ANO1: variants seen among roughly 807,000 people sequenced by gnomAD.
ANO1 encodes the protein anoctamin 1.
In ANO1, 59 loss-of-function variants were observed where a neutral mutation model predicts 124.0. The observed-to-expected ratio is 0.48, with a 90% CI of 0.39 to 0.59. The LOEUF (loss-of-function observed/expected upper bound fraction) is 0.59, where lower values mean the gene tolerates loss of function less well. Ranked by LOEUF, ANO1 falls within the 20% of genes least tolerant of loss-of-function variation. The probability of loss-of-function intolerance (pLI) is 0.00; values close to 1 mark genes in which losing one functional copy is unlikely to be tolerated. For synonymous variants in ANO1, 529 were observed against 532.0 expected (o/e 0.99, Z 0.08); for missense variants, 1,059 against 1,328.0 (o/e 0.80, Z 3.15).
intron 22 of ANO1, among the ~76,000 whole-genome samples, chr11:70,171,939 G>A (rs2048487732): frequency 6.6e-6 from 1 of 152,066 alleles, no homozygotes; most frequent in Admixed American, 6.6e-5. Flanking sequence ...GGGCAACAGA[G>A]TGAGACCCTG....
intron 1 of ANO1, among the ~76,000 whole-genome samples, chr11:70,030,953 T>A (rs1555003755): frequency 6.6e-6 from 1 of 152,184 alleles, no homozygotes; most frequent in Non-Finnish European, 1.5e-5. Flanking sequence ...TTTTGTTTTG[T>A]TTCTGGCTTG....
Position 70,102,131 on chromosome 11 carries a change from A to G in ANO1, c.442-935A>G, listed in dbSNP as rs184404116. ...CCAGAGGGGAGAGGGAAAGCTAGAG[A>G]CGCTGGGGCCATCTTTGCATCTGAT... On this transcript the variant is annotated intron_variant, in intron 2 of 25. Coordinates refer to ENST00000355303, the MANE Select transcript of ANO1 (RefSeq NM_018043.7). Among the ~76,000 whole-genome samples, 62 of 152,310 alleles carry G rather than the reference A, an allele frequency of 4.1e-4. No individual in the cohort carries two copies. In the East Asian group the frequency reaches 9.8e-3, roughly 24 times the overall value.
chr11:70,068,637 T>C (rs1857792516), intron 1 of ANO1, among the ~76,000 whole-genome samples: 1 of 151,834 alleles, frequency 6.6e-6, no homozygotes, highest in South Asian at 2.1e-4. Context: ...AAACATGAAG[T>C]CCAGCCCAAG....
chr11:70,152,771 T>C (rs1565254399), intron 13 of ANO1, among the ~76,000 whole-genome samples: 1 of 152,186 alleles, frequency 6.6e-6, no homozygotes, highest in Non-Finnish European at 1.5e-5. Flanking sequence ...CATGGCTGGG[T>C]GTTCACTGCA....
intron 1 of ANO1, among the ~76,000 whole-genome samples, chr11:70,058,276 G>T (rs905659105): frequency 6.6e-6 from 1 of 152,172 alleles, no homozygotes; most frequent in Non-Finnish European, 1.5e-5. Flanking sequence ...TACTTGGATG[G>T]CAAGTTTTTG....
chr11:70,188,076 T>C lies in ANO1; in HGVS notation c.*72T>C, dbSNP rs931096907. 1.9e-5 allele frequency: 29 copies of C among 1,491,742 alleles called. No individual in the cohort carries two copies. The African/African-American group carries it at 3.5e-4, about 18-fold the overall frequency. The allele number at this position is 1,491,742 out of a possible 1,614,324, so 92.4% of individuals were successfully genotyped here. A position where few individuals can be genotyped will look rare whatever the true frequency, so the allele number is the denominator to read the frequency against. ...GGCACCCTCTCCCAGGGCAGGCGGCTTCCCGCTCCCACCAGGGCCCGGTGG... is the reference window on the plus strand; with the variant it reads ...GGCACCCTCTCCCAGGGCAGGCGGCCTCCCGCTCCCACCAGGGCCCGGTGG... On this transcript the variant is annotated 3_prime_UTR_variant, in exon 26 of 26. Transcript: ENST00000355303.
chr11:70,126,293 C>G lies in ANO1; in HGVS notation c.1097+98C>G, dbSNP rs958120111. ...TCATTGGGACACTGGCCTCTCACAC[C>G]AATTCCTGTACACATGAAACCTCAC... On this transcript the variant is annotated intron_variant, in intron 10 of 25. Coordinates refer to ENST00000355303, the MANE Select transcript of ANO1 (RefSeq NM_018043.7). The G allele has an allele frequency of 2.8e-4, 405 of 1,423,634 alleles. 3 individuals are homozygous for G. Among genetic ancestry groups the G allele is most frequent in the Non-Finnish European group, 3.1e-4 (330 of 1,063,422 alleles). The allele number at this position is 1,423,634 out of a possible 1,614,324, so 88.2% of individuals were successfully genotyped here.
Position 70,105,798 on chromosome 11 carries a change from G to C in ANO1, c.747+10G>C. 8 of 1,612,438 alleles carry C rather than the reference G, an allele frequency of 5.0e-6. No individual in the cohort carries two copies. Among genetic ancestry groups the C allele is most frequent in the Non-Finnish European group, 6.8e-6 (8 of 1,178,968 alleles). ...AACCCGGAGCACGATTGTAAGTATC[G>C]CACGCGCCTGGAAACGGCTCACTGG... is the stretch of plus-strand genomic sequence containing the variant. On this transcript the variant is annotated intron_variant, in intron 5 of 25. Transcript: ENST00000355303.
At chr11:70,162,235 C>G (rs1375966450) in intron 18 of ANO1, among the ~76,000 whole-genome samples, 1 of 149,198 alleles carries the variant, frequency 6.7e-6, no homozygotes, top group Admixed American at 6.6e-5. Context: ...CAGTGAGGAC[C>G]GGGGAGTGAG....
chr11:70,115,546 A>G (rs1421761184), intron 7 of ANO1, among the ~76,000 whole-genome samples: 2 of 152,104 alleles, frequency 1.3e-5, no homozygotes, highest in African/African-American at 4.8e-5. Context: ...CTGGAAGCGA[A>G]GGTTGCAGTG....
rs139528654 is a variant in ANO1 at position 70,070,516 on chromosome 11, C to T, written c.59-8026C>T. Reference sequence around the variant, plus strand: ...TGACCAACATGGTGAAACCCGGTCTCTACTAATAATATAAAAGTTAGTCAT... The same window carrying T: ...TGACCAACATGGTGAAACCCGGTCTTTACTAATAATATAAAAGTTAGTCAT... On this transcript the variant is annotated intron_variant, in intron 1 of 27. Transcript: ENST00000531349. Among the ~76,000 whole-genome samples the T allele has an allele frequency of 3.6e-3, 548 of 152,252 alleles. 4 individuals carry two copies. The highest frequency in any genetic ancestry group is 0.013 in the African/African-American group (531 of 41,554).
intron 11 of ANO1, among the ~76,000 whole-genome samples, chr11:70,132,381 T>C (rs1416984779): frequency 1.3e-5 from 2 of 152,028 alleles, no homozygotes; most frequent in African/African-American, 2.4e-5. Flanking sequence ...GGGCAGCTGA[T>C]TTAGAGCAGG....
intron 1 of ANO1, among the ~76,000 whole-genome samples, chr11:70,060,579 T>G (rs1857549939): frequency 6.6e-6 from 1 of 151,638 alleles, no homozygotes; most frequent in Non-Finnish European, 1.5e-5. Context: ...GCTGGAGGAG[T>G]CGAGAGGCAG....
At chr11:70,177,600 T>C (rs867012081) in intron 22 of ANO1, among the ~76,000 whole-genome samples, 35 of 133,862 alleles carry the variant, frequency 2.6e-4, no homozygotes, top group South Asian at 7.8e-4. Context: ...TTTTCTTTTT[T>C]TTTTTTTTTT....
At chr11:70,035,715 G>A (rs1284664291) in intron 1 of ANO1, among the ~76,000 whole-genome samples, 1 of 152,044 alleles carries the variant, frequency 6.6e-6, no homozygotes, top group African/African-American at 2.4e-5. Context: ...AGGCCCTGGT[G>A]TGTGAGTGCC....
upstream of ANO1, among the ~76,000 whole-genome samples, chr11:70,077,164 C>T (rs550628720): frequency 6.6e-6 from 1 of 152,314 alleles, no homozygotes; most frequent in South Asian, 2.1e-4. Flanking sequence ...GAATGTTCCC[C>T]AGTGGCCATT....
rs866524952 is a variant in ANO1 at position 70,079,425 on chromosome 11, C to T, written c.108+711C>T. Among the ~76,000 whole-genome samples the T allele has an allele frequency of 2.6e-5, 4 of 152,022 alleles. No individual in the cohort carries two copies. The South Asian group carries it at 8.3e-4, about 32-fold the overall frequency. On this transcript the variant is annotated intron_variant, in intron 1 of 25. Transcript: ENST00000355303. ...AAGCCAGTCATGTAAGTTGGGGACC[C>T]CATCCTGAGGTCCCCAATATCCCCA...
At chr11:70,074,129 G>A (rs1168047339), upstream of ANO1, among the ~76,000 whole-genome samples, 1 of 152,180 alleles carries the variant, frequency 6.6e-6, no homozygotes, top group Admixed American at 6.5e-5. Context: ...TCCTACGCGG[G>A]TTGCCGGGCA....
chr11:70,048,588 C>T (rs1555005929), intron 1 of ANO1, among the ~76,000 whole-genome samples: 1 of 151,596 alleles, frequency 6.6e-6, no homozygotes, highest in African/African-American at 2.4e-5. Context: ...CTCTCCCCCA[C>T]CTCCCTCTCT....
Sources: allele counts gnomAD v4.1 joint callset (sites outside exome capture counted in the v4.1 genomes callset), GRCh38; gene constraint gnomAD v4.1.1; transcripts MANE v1.5; gene names NCBI Gene and HGNC (gene_info 2026-07-23, HGNC 2026-07-21).